The following OPCML variants were observed in gnomAD, a reference collection of about 807,000 sequenced individuals.
OPCML encodes opioid-binding protein/cell adhesion molecule.
Under a neutral mutation model 37.8 loss-of-function variants are expected in OPCML, and 13 were observed. The ratio of observed to expected loss-of-function variants is 0.34; its 90% CI spans 0.22 to 0.55. The LOEUF (loss-of-function observed/expected upper bound fraction) is 0.55. OPCML is among the 20% of genes least tolerant of loss of function. The pLI is 0.91. For synonymous variants in OPCML, 176 were observed against 168.8 expected (o/e 1.04, Z -0.33); for missense variants, 341 against 435.6 (o/e 0.78, Z 1.93).
chr11:133,197,719 G>A (rs1354477805), intron 1 of OPCML, among the ~76,000 whole-genome samples: 5 of 152,188 alleles, frequency 3.3e-5, no homozygotes, highest in Non-Finnish European at 7.3e-5. Flanking sequence ...ACTAGCAAGA[G>A]CTTGAGATCC....
At chr11:132,908,128 C>T (rs1944306440) in intron 2 of OPCML, among the ~76,000 whole-genome samples, 1 of 152,158 alleles carries the variant, frequency 6.6e-6, no homozygotes, top group South Asian at 2.1e-4. Flanking sequence ...AACACAGGAG[C>T]ACAAGCGAGA....
chr11:132,466,037 T>A (rs528988526), intron 4 of OPCML, among the ~76,000 whole-genome samples: 13 of 152,284 alleles, frequency 8.5e-5, no homozygotes, highest in African/African-American at 3.1e-4. Context: ...AATGCACACC[T>A]ATATAGAGAA....
chr11:132,430,826 T>C (rs1453541843), intron 7 of OPCML, among the ~76,000 whole-genome samples: 2 of 152,214 alleles, frequency 1.3e-5, no homozygotes, highest in Non-Finnish European at 1.5e-5. Context: ...GGCGTTTACA[T>C]GCCTCATTAA....
chr11:133,283,573 T>C (rs963232747), intron 1 of OPCML, among the ~76,000 whole-genome samples: 4 of 152,176 alleles, frequency 2.6e-5, no homozygotes, highest in Non-Finnish European at 5.9e-5. Context: ...CCAAAGGTAT[T>C]TGTTTACACT....
intron 4 of OPCML, among the ~76,000 whole-genome samples, chr11:132,446,550 G>A (rs1443139972): frequency 6.6e-6 from 1 of 151,986 alleles, no homozygotes; most frequent in Non-Finnish European, 1.5e-5. Flanking sequence ...AGGGGTAGAA[G>A]GAGAAAAATC....
chr11:132,533,571 A>C (rs1334064504), intron 3 of OPCML, among the ~76,000 whole-genome samples: 1 of 152,146 alleles, frequency 6.6e-6, no homozygotes. Context: ...CTAAAGACGG[A>C]AGGTCTAAAA....
chr11:132,824,157 T>C (rs1200812034), intron 2 of OPCML, among the ~76,000 whole-genome samples: 1 of 152,222 alleles, frequency 6.6e-6, no homozygotes, highest in East Asian at 1.9e-4. Flanking sequence ...TATCTAAAAA[T>C]CTTGTGTTCT....
chr11:132,807,951 A>C (rs1280069153), intron 2 of OPCML, among the ~76,000 whole-genome samples: 2 of 152,244 alleles, frequency 1.3e-5, no homozygotes, highest in Non-Finnish European at 2.9e-5. Context: ...AGATATTACA[A>C]TGAAAGAAAT....
intron 1 of OPCML, among the ~76,000 whole-genome samples, chr11:133,375,435 A>G (rs1329289538): frequency 1.3e-5 from 2 of 152,230 alleles, no homozygotes; most frequent in African/African-American, 4.8e-5. Context: ...CTGGCATGAG[A>G]CATTATTTCT....
intron 1 of OPCML, among the ~76,000 whole-genome samples, chr11:133,448,188 A>G (rs1284850353): frequency 6.6e-6 from 1 of 152,210 alleles, no homozygotes; most frequent in African/African-American, 2.4e-5. Flanking sequence ...TAAATCTACA[A>G]TCTATTTCTA....
At chr11:133,030,263 T>C (rs1176466115) in intron 1 of OPCML, among the ~76,000 whole-genome samples, 1 of 152,204 alleles carries the variant, frequency 6.6e-6, no homozygotes, top group East Asian at 1.9e-4. Flanking sequence ...ATCCCGAAAC[T>C]TGAGGCTAAC....
intron 1 of OPCML, among the ~76,000 whole-genome samples, chr11:133,092,188 A>G (rs1948917115): frequency 6.6e-6 from 1 of 152,200 alleles, no homozygotes; most frequent in Non-Finnish European, 1.5e-5. Flanking sequence ...AGCAGAGAAC[A>G]GCCTTCCCCA....
At chr11:132,926,333 G>A (rs978296188) in intron 2 of OPCML, among the ~76,000 whole-genome samples, 1 of 152,136 alleles carries the variant, frequency 6.6e-6, no homozygotes, top group Non-Finnish European at 1.5e-5. Flanking sequence ...TGGATCTCAG[G>A]CAAGGGGAGG....
intron 1 of OPCML, among the ~76,000 whole-genome samples, chr11:133,248,363 G>A (rs1941021124): frequency 6.6e-6 from 1 of 152,264 alleles, no homozygotes; most frequent in Admixed American, 6.5e-5. Flanking sequence ...AAGGTGGGAA[G>A]GAAGACGCAG....
At chr11:132,820,368 G>A (rs923705177) in intron 2 of OPCML, among the ~76,000 whole-genome samples, 2 of 152,166 alleles carry the variant, frequency 1.3e-5, no homozygotes, top group African/African-American at 4.8e-5. Flanking sequence ...TAGTGAGGCT[G>A]CCCAGTGTCT....
intron 2 of OPCML, among the ~76,000 whole-genome samples, chr11:132,887,813 G>C (rs1378253662): frequency 2.0e-5 from 3 of 152,228 alleles, no homozygotes; most frequent in Admixed American, 1.3e-4. Flanking sequence ...ACCTCTGCCA[G>C]ATCTTCTACT....
chr11:132,420,736 A>G (rs375284431), intron 7 of OPCML, among the ~76,000 whole-genome samples: 102 of 152,254 alleles, frequency 6.7e-4, no homozygotes, highest in African/African-American at 2.5e-3. Flanking sequence ...ACGGATGGAG[A>G]CATAAGTCCA....
At chr11:133,437,160 A>T (rs76391912) in intron 1 of OPCML, among the ~76,000 whole-genome samples, 2,648 of 152,282 alleles carry the variant, frequency 0.017, 51 homozygotes, top group East Asian at 0.056. Flanking sequence ...TTAACTGATG[A>T]TGTTGCCTAA....
rs1045422592 is a variant in OPCML, at chr11:132,436,111, G to A, written c.891C>T (p.Asn297=). Residue 297 remains asparagine, a synonymous_variant, in exon 7 of 8, where the codon AAC becomes AAT. Coordinates refer to ENST00000524381, the MANE Select transcript of OPCML (RefSeq NM_001012393.5). The part of the protein sequence containing the change: ...YTCVATNKLG[N]TNASITLYGP... ...CATACAATGTGATGCTGGCATTGGT[G>A]TTCCCAAGCTTGTTCGTGGCCACAC... 1 of 1,613,922 alleles carries A rather than the reference G, an allele frequency of 6.2e-7. No individual in the cohort carries two copies. The highest frequency in any genetic ancestry group is 1.3e-5 in the African/African-American group (1 of 74,926).
Sources: allele counts gnomAD v4.1 joint callset (sites outside exome capture counted in the v4.1 genomes callset), GRCh38; gene constraint gnomAD v4.1.1; transcripts MANE v1.5; gene names NCBI Gene and HGNC (gene_info 2026-07-23, HGNC 2026-07-21).